NUP153: variants seen among roughly 807,000 people sequenced by gnomAD.
NUP153 encodes the protein nucleoporin 153.
A neutral mutation model predicts 134.6 loss-of-function variants in NUP153; 27 were observed. The ratio of observed to expected loss-of-function variants is 0.20; its 90% CI spans 0.15 to 0.28. NUP153 has a LOEUF of 0.28. Ranked by LOEUF, NUP153 falls within the 10% of genes least tolerant of loss-of-function variation. The pLI is 1.00. For synonymous variants in NUP153, 640 were observed against 623.5 expected, an observed-to-expected ratio of 1.03 and a Z score of -0.40; for missense variants, 1,821 against 1,731.3, an observed-to-expected ratio of 1.05 and a Z score of -0.92.
intron 11 of NUP153, among the ~76,000 whole-genome samples, chr6:17,657,709 A>T (rs1479650514): frequency 6.6e-6 from 1 of 152,238 alleles, no homozygotes; most frequent in Non-Finnish European, 1.5e-5. Flanking sequence ...TTCACAAAAC[A>T]TGCTACAGAT....
Position 17,625,679 on chromosome 6 carries a change from C to T in NUP153, c.3901+129G>A, listed in dbSNP as rs888688412. 1 of 710,122 alleles carries T rather than the reference C, an allele frequency of 1.4e-6. No homozygotes were observed. Among genetic ancestry groups the T allele is most frequent in the Non-Finnish European group, 2.5e-6 (1 of 405,602 alleles). The allele number at this position is 710,122 out of a possible 1,614,324, so 44.0% of individuals were successfully genotyped here. A position where few individuals can be genotyped will look rare whatever the true frequency, so the allele number is the denominator to read the frequency against. ...CATACAGTGAATAATTAAAACAACCCTGGTATAGATGACCAAAAGGCATTC... is the reference window on the plus strand; with the variant it reads ...CATACAGTGAATAATTAAAACAACCTTGGTATAGATGACCAAAAGGCATTC... On this transcript the variant is annotated intron_variant, in intron 19 of 21. Transcript: ENST00000262077. This position sits in a 1 kb window ranked among gnomAD's most constrained non-coding sequence, Gnocchi z 4.7.
chr6:17,671,895 C>A (rs577687994), intron 5 of NUP153, among the ~76,000 whole-genome samples: 69 of 152,236 alleles, frequency 4.5e-4, no homozygotes, highest in Admixed American at 1.6e-3. Context: ...GTAGTCCCAG[C>A]TACTTGGGAG....
In NUP153 at chr6:17,624,623, G is replaced by T. The variant is rs778026319; in HGVS notation, c.4112C>A (p.Pro1371His). 6.2e-7 allele frequency: 1 copy of T among 1,614,192 alleles called. No individual in the cohort carries two copies. The highest frequency in any genetic ancestry group is 8.5e-7 in the Non-Finnish European group (1 of 1,180,018). ...TFGTVSSSSQ[P>H]PVFGQQPSQS... ...ACTAGGTTGCTGTCCAAACACAGGG[G>T]GCTGGCTACTGCTTGACACTGTCCC... The change falls in exon 20 of 22, where the codon CCC becomes CAC. Residue 1371 changes from proline to histidine, a missense_variant. Pro to His is a moderately conservative substitution (Grantham distance 77, BLOSUM62 -2). Coordinates refer to ENST00000262077, the MANE Select transcript of NUP153 (RefSeq NM_005124.4).
At chr6:17,663,347 G>A (rs1269119015) in intron 9 of NUP153, among the ~76,000 whole-genome samples, 1 of 151,324 alleles carries the variant, frequency 6.6e-6, no homozygotes, top group Non-Finnish European at 1.5e-5. Flanking sequence ...CTTTAGCCTC[G>A]AACTCCTGGG....
At chr6:17,661,630 A>G (rs1387953488) in intron 11 of NUP153, 23 bp downstream of exon 11, 1 of 1,600,812 alleles carries the variant, frequency 6.2e-7, no homozygotes, top group African/African-American at 1.3e-5. Flanking sequence ...AAACCTCAAG[A>G]GTATATGAGT....
rs140265964 is a variant in NUP153 at position 17,623,457 on chromosome 6, T to C, written c.4174+1104A>G. Among the ~76,000 whole-genome samples the C allele has an allele frequency of 1.7e-3, 265 of 151,856 alleles. 1 individual carries two copies. Among genetic ancestry groups the C allele is most frequent in the African/African-American group, 5.9e-3 (242 of 41,350 alleles). On this transcript the variant is annotated intron_variant, in intron 20 of 21. Transcript: ENST00000262077. Reference sequence around the variant, plus strand: ...TCATACAATGGTGGTAGGATATGAATTGGCAGAATCCATCAGGAAAAGTTT... The same window carrying C: ...TCATACAATGGTGGTAGGATATGAACTGGCAGAATCCATCAGGAAAAGTTT...
intron 16 of NUP153, among the ~76,000 whole-genome samples, chr6:17,636,506 T>G (rs1765558223): frequency 1.3e-5 from 2 of 152,128 alleles, no homozygotes; most frequent in Non-Finnish European, 2.9e-5. Context: ...TTGAAAACAG[T>G]GTAATTCCCA....
rs764842214 is a variant in NUP153 at position 17,628,673 on chromosome 6, G to C, written c.3526C>G (p.Gln1176Glu). The change falls in exon 18 of 22, where the codon CAA (glutamine) becomes GAA (glutamate). Residue 1176 changes from glutamine to glutamate, a missense_variant. Physicochemically the swap from Gln to Glu is conservative, Grantham distance 29 (BLOSUM62 2). Transcript: ENST00000262077. This position sits in a 1 kb window ranked among gnomAD's most constrained non-coding sequence, Gnocchi z 5.4. ...PAKATFAFGA[Q>E]TSTTADQGAA... ...TACTTACCAGCTGTAGTACTAGTTT[G>C]AGCTCCAAAGGCAAAAGTGGCTTTT... 2.5e-6 allele frequency: 4 copies of C among 1,602,006 alleles called. No homozygotes were observed. The highest frequency in any genetic ancestry group is 3.4e-6 in the Non-Finnish European group (4 of 1,173,766).
intron 1 of NUP153, among the ~76,000 whole-genome samples, chr6:17,705,301 C>T (rs558514957): frequency 4.5e-4 from 69 of 152,272 alleles, no homozygotes; most frequent in African/African-American, 1.6e-3. Flanking sequence ...TTTTCCTATT[C>T]AATACTTCTA....
At chr6:17,702,218 C>T (rs534585472) in intron 1 of NUP153, among the ~76,000 whole-genome samples, 1 of 152,144 alleles carries the variant, frequency 6.6e-6, no homozygotes, top group East Asian at 1.9e-4. Context: ...AAAAATGACA[C>T]CATTTCTGGC....
intron 5 of NUP153, 95 bp downstream of exon 5, chr6:17,674,810 A>G (rs1768118766): frequency 9.6e-7 from 1 of 1,045,500 alleles, no homozygotes; most frequent in Middle Eastern, 2.5e-4. Flanking sequence ...AAAATAAATC[A>G]AAACTATTTT....
intron 1 of NUP153, among the ~76,000 whole-genome samples, chr6:17,705,719 C>T (rs1403277423): frequency 6.6e-6 from 1 of 152,040 alleles, no homozygotes; most frequent in African/African-American, 2.4e-5. Context: ...ACGAGGAGGG[C>T]CACAGGCAGG....
In NUP153 at chr6:17,688,360, C is replaced by G. The variant is rs780476618; in HGVS notation, c.334+36G>C. The G allele has an allele frequency of 5.9e-6, 9 of 1,525,948 alleles. No individual in the cohort carries two copies. In the Middle Eastern group the frequency reaches 5.3e-4, roughly 89 times the overall value. 94.5% of individuals were successfully genotyped at this position (1,525,948 alleles called of 1,614,324 possible). A position where few individuals can be genotyped will look rare whatever the true frequency, so the allele number is the denominator to read the frequency against. ...GTCTTCAAAATTAGGGCATGAAAAC[C>G]TATCATTCATGACAAAATATTCACA... On this transcript the variant is annotated intron_variant, in intron 2 of 21. Coordinates refer to ENST00000262077, the MANE Select transcript of NUP153 (RefSeq NM_005124.4).
chr6:17,677,030 G>A (rs1205455817), intron 2 of NUP153, among the ~76,000 whole-genome samples: 1 of 152,170 alleles, frequency 6.6e-6, no homozygotes, highest in African/African-American at 2.4e-5. Flanking sequence ...AGAATTTAAA[G>A]ATCTCATTAC....
Position 17,695,941 on chromosome 6 carries a change from G to A in NUP153, c.112-7323C>T, listed in dbSNP as rs551398212. ...GGAGAATGGCGTGAACCCGGAAGGCGGAGCTTGCAGTGAGCTGAGATTGCA... is the reference window on the plus strand; with the variant it reads ...GGAGAATGGCGTGAACCCGGAAGGCAGAGCTTGCAGTGAGCTGAGATTGCA... On this transcript the variant is annotated intron_variant, in intron 1 of 21. Transcript: ENST00000262077. Among the ~76,000 whole-genome samples the A allele has an allele frequency of 1.1e-4, 16 of 152,220 alleles. No individual in the cohort carries two copies. The East Asian group carries it at 1.9e-3, about 18-fold the overall frequency.
intron 16 of NUP153, among the ~76,000 whole-genome samples, chr6:17,634,693 T>C (rs1375989401): frequency 1.3e-5 from 2 of 152,210 alleles, no homozygotes; most frequent in Non-Finnish European, 2.9e-5. Context: ...TGCCTCAGCC[T>C]CACGAAGTGC....
intron 15 of NUP153, among the ~76,000 whole-genome samples, chr6:17,639,141 G>A (rs1294195752): frequency 1.3e-5 from 2 of 151,130 alleles, no homozygotes; most frequent in African/African-American, 4.9e-5. Flanking sequence ...GCAGTGGTTC[G>A]ATCTCGGTTC....
chr6:17,657,405 A>AT (rs1561880754), intron 11 of NUP153, among the ~76,000 whole-genome samples: 1 of 151,362 alleles, frequency 6.6e-6, no homozygotes, highest in Non-Finnish European at 1.5e-5. Context: ...AAAAAATAAA[A>AT]AAAAAAAAAA....
chr6:17,687,014 T>TG (rs1768975823), intron 2 of NUP153, among the ~76,000 whole-genome samples: 1 of 152,106 alleles, frequency 6.6e-6, no homozygotes, highest in African/African-American at 2.4e-5. Flanking sequence ...AATAAGGACA[T>TG]GTAACAGAAA....
Sources: allele counts gnomAD v4.1 joint callset (sites outside exome capture counted in the v4.1 genomes callset), GRCh38; gene constraint gnomAD v4.1.1; non-coding constraint Gnocchi (gnomAD v3.1); transcripts MANE v1.5; gene names NCBI Gene and HGNC (gene_info 2026-07-23, HGNC 2026-07-21).